The following STIL variants were observed in gnomAD, a reference collection of about 807,000 sequenced individuals.
STIL encodes STIL centriolar assembly protein.
In STIL, 55 loss-of-function variants were observed where a neutral mutation model predicts 110.1. The ratio of observed to expected loss-of-function variants is 0.50; its 90% confidence interval spans 0.40 to 0.63. STIL has a LOEUF of 0.63. Ranked by LOEUF, STIL falls within the 20% of genes least tolerant of loss-of-function variation. The pLI is 0.00. For synonymous variants in STIL, 481 were observed against 530.0 expected, an observed-to-expected ratio of 0.91 and a Z score of 1.27; for missense variants, 1,358 against 1,530.0, an observed-to-expected ratio of 0.89 and a Z score of 1.87.
chr1:47,312,164 C>T (rs1003336432), intron 1 of STIL, among the ~76,000 whole-genome samples: 3 of 152,064 alleles, frequency 2.0e-5, no homozygotes, highest in African/African-American at 7.2e-5. Context: ...TGCTCTTATA[C>T]CTTGTTCAAG....
intron 8 of STIL, among the ~76,000 whole-genome samples, chr1:47,289,984 AT>A (rs1645434649): frequency 6.6e-6 from 1 of 151,482 alleles, no homozygotes; most frequent in Non-Finnish European, 1.5e-5. Context: ...TTCAAAATTA[AT>A]TTTACTGAGG....
chr1:47,274,105 C>T (rs527320100), intron 12 of STIL, among the ~76,000 whole-genome samples: 1 of 152,148 alleles, frequency 6.6e-6, no homozygotes, highest in Non-Finnish European at 1.5e-5. Flanking sequence ...TACACACACA[C>T]ACACACTCAT....
At chr1:47,270,255 TAC>T (rs56253074) in intron 13 of STIL, among the ~76,000 whole-genome samples, 1,765 of 119,348 alleles carry the variant, frequency 0.015, 20 homozygotes, top group Middle Eastern at 0.031. Context: ...TATATATATA[TAC>T]ACACACACAC....
chr1:47,258,415 G>T (rs1222237657), intron 16 of STIL, among the ~76,000 whole-genome samples: 1 of 152,056 alleles, frequency 6.6e-6, no homozygotes, highest in African/African-American at 2.4e-5. Flanking sequence ...ACAAATAAGA[G>T]ATTTGGCCTA....
chr1:47,252,242 C>G (rs990753651), intron 16 of STIL, among the ~76,000 whole-genome samples: 1 of 152,028 alleles, frequency 6.6e-6, no homozygotes, highest in Non-Finnish European at 1.5e-5. Flanking sequence ...ATTGGCCAGG[C>G]ATGGTGGTGC....
chr1:47,290,384 G>A (rs372720501), intron 8 of STIL, among the ~76,000 whole-genome samples: 67 of 152,356 alleles, frequency 4.4e-4, no homozygotes, highest in Admixed American at 1.6e-3. Flanking sequence ...TATATATAGA[G>A]AGAGAGCTTG....
intron 8 of STIL, among the ~76,000 whole-genome samples, chr1:47,290,468 G>A (rs1645450088): frequency 6.6e-6 from 1 of 152,202 alleles, no homozygotes; most frequent in Admixed American, 6.5e-5. Flanking sequence ...CACTTCGGGA[G>A]GCCGAGGCAG....
chr1:47,301,620 C>A lies in STIL; in HGVS notation c.394G>T (p.Glu132Ter). ...FLIPCKVHTQ[E>*]LCSREMIVHS... ...ACTATCATTTCTCTTGAACAAAGTTCTTGAGTATGAACTTTGCATGGAATC... is the reference window on the plus strand; with the variant it reads ...ACTATCATTTCTCTTGAACAAAGTTATTGAGTATGAACTTTGCATGGAATC... The change falls in exon 5 of 17, where the codon GAA (glutamate) becomes TAA (stop). Residue 132 changes from glutamate to a stop codon, truncating the protein, a stop_gained. Transcript: ENST00000371877. LOFTEE classifies it high-confidence loss of function. 6.2e-7 allele frequency: 1 copy of A among 1,613,964 alleles called. No individual in the cohort carries two copies. The highest frequency in any genetic ancestry group is 8.5e-7 in the Non-Finnish European group (1 of 1,180,014).
At chr1:47,286,303 A>C (rs190945902) in intron 10 of STIL, among the ~76,000 whole-genome samples, 2 of 152,060 alleles carry the variant, frequency 1.3e-5, no homozygotes, top group Non-Finnish European at 2.9e-5. Flanking sequence ...CCACAGCTTT[A>C]TATTTCAATA....
intron 10 of STIL, chr1:47,283,981 C>T (rs187841569): frequency 1.3e-5 from 2 of 152,242 alleles, no homozygotes; most frequent in South Asian, 2.1e-4. Context: ...TCACAGCAAC[C>T]TCCGCCTCCA....
At chr1:47,253,072 T>TC (rs1644232948) in intron 16 of STIL, among the ~76,000 whole-genome samples, 1 of 152,098 alleles carries the variant, frequency 6.6e-6, no homozygotes, top group Non-Finnish European at 1.5e-5. Context: ...CTCCTCGAAT[T>TC]CCCAAAAGTG....
intron 14 of STIL, among the ~76,000 whole-genome samples, chr1:47,267,667 TAAA>T (rs10713698): frequency 3.3e-4 from 37 of 110,614 alleles, no homozygotes; most frequent in Admixed American, 4.8e-4. Context: ...AGCGAGTATC[TAAA>T]AAAAAAAAAA....
intron 16 of STIL, among the ~76,000 whole-genome samples, chr1:47,256,714 G>T (rs1359081936): frequency 1.3e-5 from 2 of 150,976 alleles, no homozygotes; most frequent in Non-Finnish European, 2.9e-5. Flanking sequence ...CAAAACATCG[G>T]CCAGGCACGG....
At chr1:47,309,662 G>A (rs1401462043) in intron 2 of STIL, among the ~76,000 whole-genome samples, 1 of 152,124 alleles carries the variant, frequency 6.6e-6, no homozygotes, top group Non-Finnish European at 1.5e-5. Flanking sequence ...GGAAAAAAGA[G>A]CAATAAATGA....
intron 14 of STIL, among the ~76,000 whole-genome samples, chr1:47,263,438 A>G (rs1644539461): frequency 1.3e-5 from 2 of 152,216 alleles, no homozygotes; most frequent in Non-Finnish European, 2.9e-5. Flanking sequence ...CTAGCTGCTC[A>G]GGAGGCTGAG....
chr1:47,294,965 A>C (rs1255073918), intron 7 of STIL, among the ~76,000 whole-genome samples: 1 of 152,024 alleles, frequency 6.6e-6, no homozygotes, highest in Non-Finnish European at 1.5e-5. Context: ...CTTGTTGCCC[A>C]AGCTGGAGTG....
At position 47,289,386 on chromosome 1, in the gene STIL, T is replaced by C. The variant is rs779782807; in HGVS notation, c.1023+49A>G. ...AGCTGTTGGGTTTAAACTGCCAAAG[T>C]GCAAAACCCTAAACAGTCACTAATG... On this transcript the variant is annotated intron_variant, in intron 9 of 16. Transcript: ENST00000371877. 4 of 1,567,950 alleles carry C rather than the reference T, an allele frequency of 2.6e-6. No homozygotes were observed. The Admixed American group carries it at 5.1e-5, about 20-fold the overall frequency.
chr1:47,301,823 A>G, intron 4 of STIL, 75 bp from the exon 5 acceptor site: 2 of 1,381,934 alleles, frequency 1.4e-6, no homozygotes, highest in Non-Finnish European at 2.0e-6. Flanking sequence ...AGACTACATT[A>G]TAGCAAAGCA....
Position 47,262,977 on chromosome 1 carries a change from G to A in STIL, c.2755C>T (p.Pro919Ser), listed in dbSNP as rs758155704. ...GGTTGCATTACATGCTCAATTTTTG[G>A]TTCCTCTGATGTTTCAGAATTGTTA... ...ASNNSETSEE[P>S]KIEHVMQPLL... Residue 919 changes from proline to serine, a missense_variant, in exon 15 of 17, where the codon CCA becomes TCA. By Grantham distance (74) the Pro-to-Ser change is moderately conservative. Transcript: ENST00000371877. The A allele has an allele frequency of 6.2e-6, 10 of 1,613,938 alleles. No homozygotes were observed. In the Admixed American group the frequency reaches 1.5e-4, roughly 24 times the overall value.
Sources: gnomAD v4.1 joint callset for allele counts (sites outside exome capture counted in the v4.1 genomes callset) on GRCh38, gnomAD v4.1.1 for gene constraint, MANE v1.5 for transcripts, NCBI Gene and HGNC (gene_info 2026-07-23, HGNC 2026-07-21) for gene names.